The following PELI1 variants were observed in gnomAD, a reference collection of about 807,000 sequenced individuals.
PELI1 encodes pellino E3 ubiquitin protein ligase 1, also known as E3 ubiquitin-protein ligase pellino homolog 1.
Under a neutral mutation model 41.3 loss-of-function variants are expected in PELI1, and 15 were observed. The ratio of observed to expected loss-of-function variants is 0.36; its 90% confidence interval spans 0.24 to 0.56. The LOEUF is 0.56. Ranked by LOEUF, PELI1 falls within the 20% of genes least tolerant of loss-of-function variation. The probability of loss-of-function intolerance (pLI) is 0.82; values close to 1 mark genes in which losing one functional copy is unlikely to be tolerated. For missense variants in PELI1, 403 were observed against 525.5 expected (o/e 0.77, Z 2.28); for synonymous variants, 178 against 180.1 (o/e 0.99, Z 0.09).
intron 5 of PELI1, 42 bp from the exon 6 acceptor site, chr2:64,096,355 T>C (rs376703137): frequency 6.3e-7 from 1 of 1,594,332 alleles, no homozygotes; most frequent in Non-Finnish European, 8.6e-7. Flanking sequence ...TTGTAACTTG[T>C]AACTTGGAAT....
At chr2:64,111,114 T>G (rs1680794263) in intron 1 of PELI1, among the ~76,000 whole-genome samples, 1 of 152,088 alleles carries the variant, frequency 6.6e-6, no homozygotes, top group Admixed American at 6.6e-5. Flanking sequence ...TTACAAAGGT[T>G]TCACAGCAAA....
rs1321282833 is a variant in PELI1, at chr2:64,093,032, T to C, written c.*1670A>G. On this transcript the variant is annotated 3_prime_UTR_variant, in exon 7 of 7. Coordinates refer to ENST00000358912, the MANE Select transcript of PELI1 (RefSeq NM_020651.4). ...AAAACTTCAAAATCAATTACATTTC[T>C]TTGAAAAAGGGGTAACAGCAGTTAC... The C allele has an allele frequency of 6.6e-6, 1 of 152,600 alleles. No homozygotes were observed. The highest frequency in any genetic ancestry group is 2.1e-4 in the South Asian group (1 of 4,830). The allele number at this position is 152,600 out of a possible 1,614,324, so 9.5% of individuals were successfully genotyped here.
At chr2:64,140,569 T>A (rs1681868937) in intron 1 of PELI1, among the ~76,000 whole-genome samples, 1 of 151,894 alleles carries the variant, frequency 6.6e-6, no homozygotes, top group African/African-American at 2.4e-5. Flanking sequence ...ACTGAAAGAC[T>A]CCAATCAGAT....
intron 2 of PELI1, among the ~76,000 whole-genome samples, chr2:64,107,476 C>G (rs1370200705): frequency 2.0e-5 from 3 of 152,140 alleles, no homozygotes; most frequent in African/African-American, 7.2e-5. Flanking sequence ...TACACATATA[C>G]AACTCCTTTA....
Position 64,104,795 on chromosome 2 carries a change from CT to C in PELI1, c.106del (p.Arg36GlyfsTer17). The C allele has an allele frequency of 6.2e-7, 1 of 1,613,390 alleles. No homozygotes were observed. Among genetic ancestry groups the C allele is most frequent in the South Asian group, 1.1e-5 (1 of 91,064 alleles). Reference sequence around the variant, plus strand: ...AAACAAAGCAAACCTACTTTTCCTCCTTCCTCTATCGCCATTTGGGAGAGAC... The same window carrying C: ...AAACAAAGCAAACCTACTTTTCCTCCTCCTCTATCGCCATTTGGGAGAGAC... ...NGSLPNGDRG[R>X]RKSRFALFKR... On this transcript the variant is annotated frameshift_variant, in exon 3 of 7. Coordinates refer to ENST00000358912, the MANE Select transcript of PELI1 (RefSeq NM_020651.4). LOFTEE classifies it high-confidence loss of function.
intron 1 of PELI1, among the ~76,000 whole-genome samples, chr2:64,135,981 C>A (rs1009039640): frequency 2.0e-5 from 3 of 152,170 alleles, no homozygotes; most frequent in Non-Finnish European, 2.9e-5. Context: ...TTGTGAGATC[C>A]AATTTCTTCC....
At position 64,096,307 on chromosome 2, in the gene PELI1, C is replaced by T. The variant is rs748890842; in HGVS notation, c.508G>A (p.Ala170Thr). ...CCATCTGATGTCTTCCATTTGGCAG[C>T]CTTCTCCTAGTAGAAATAATAGCAG... ...SSKNIFLGEK[A>T]AKWKTSDGQM... The change falls in exon 6 of 7, where the codon GCT (alanine) becomes ACT (threonine). Residue 170 changes from alanine (A) to threonine (T), a missense_variant. Physicochemically the swap from Ala to Thr is moderately conservative, Grantham distance 58. Coordinates refer to ENST00000358912, the MANE Select transcript of PELI1 (RefSeq NM_020651.4). 1.2e-6 allele frequency: 2 copies of T among 1,613,526 alleles called. No homozygotes were observed. The highest frequency in any genetic ancestry group is 2.7e-5 in the African/African-American group (2 of 74,874).
chr2:64,109,759 T>C (rs969384003), intron 1 of PELI1, among the ~76,000 whole-genome samples: 2 of 152,048 alleles, frequency 1.3e-5, no homozygotes, highest in African/African-American at 2.4e-5. Context: ...CAGAATTACC[T>C]GACAAAGATT....
chr2:64,117,460 A>G (rs1337480224), intron 1 of PELI1, among the ~76,000 whole-genome samples: 4 of 151,464 alleles, frequency 2.6e-5, no homozygotes. Context: ...TTGATTCTCC[A>G]TGGGGAGGGA....
rs373842014 is a variant in PELI1 at position 64,096,781 on chromosome 2, T to C, written c.304-171A>G. On this transcript the variant is annotated intron_variant, in intron 4 of 6. Transcript: ENST00000358912. ...ACTCTTGAAAACTAATCAGTCAGAC[T>C]GTCTCTGATGAAGTAATCACTTAGA... Among the ~76,000 whole-genome samples the C allele has an allele frequency of 1.4e-4, 21 of 152,348 alleles. No individual in the cohort carries two copies. In the South Asian group the frequency reaches 3.1e-3, roughly 23 times the overall value.
At chr2:64,100,363 T>A (rs763956605) in intron 4 of PELI1, 35 bp downstream of exon 4, 2 of 1,127,652 alleles carry the variant, frequency 1.8e-6, no homozygotes, top group Admixed American at 1.8e-5. Context: ...AACTTTTTCG[T>A]TTCTTAAGAA....
At position 64,096,337 on chromosome 2, in the gene PELI1, C is replaced by T. The variant is rs956712003; in HGVS notation, c.502-24G>A. 4 of 1,606,026 alleles carry T rather than the reference C, an allele frequency of 2.5e-6. No homozygotes were observed. The African/African-American group carries it at 5.4e-5, about 22-fold the overall frequency. ...TCCTAGTAGAAATAATAGCAGTGAG[C>T]TTCCAACTTGTAACTTGTAACTTGG... On this transcript the variant is annotated intron_variant, in intron 5 of 6. Transcript: ENST00000358912.
At chr2:64,113,131 A>C (rs1680877700) in intron 1 of PELI1, among the ~76,000 whole-genome samples, 1 of 151,916 alleles carries the variant, frequency 6.6e-6, no homozygotes, top group African/African-American at 2.4e-5. Context: ...ATTTAAAAAA[A>C]AAAAAGTAAA....
At chr2:64,109,754 T>G (rs567919454) in intron 1 of PELI1, among the ~76,000 whole-genome samples, 1 of 152,128 alleles carries the variant, frequency 6.6e-6, no homozygotes, top group African/African-American at 2.4e-5. Flanking sequence ...GATGACAGAA[T>G]TACCTGACAA....
chr2:64,112,681 A>T (rs981851621), intron 1 of PELI1, among the ~76,000 whole-genome samples: 1 of 152,234 alleles, frequency 6.6e-6, no homozygotes, highest in Non-Finnish European at 1.5e-5. Flanking sequence ...ATCTAAACCC[A>T]AAATAAAACA....
intron 1 of PELI1, among the ~76,000 whole-genome samples, chr2:64,133,327 A>G (rs1681615648): frequency 6.6e-6 from 1 of 152,194 alleles, no homozygotes; most frequent in Non-Finnish European, 1.5e-5. Flanking sequence ...CTCAATGTGA[A>G]GAGACAGTAT....
In PELI1 at chr2:64,094,085, CTTACAAA is replaced by C. The variant is rs1680141178; in HGVS notation, c.*610_*616del. On this transcript the variant is annotated 3_prime_UTR_variant, in exon 7 of 7. Transcript: ENST00000358912. The stretch of plus-strand genomic sequence containing the variant: ...CGCGGGTAATTAGTATGAATTTGGT[CTTACAAA>C]TTACAAAGTATTCTAATTTACCAAA... 1 of 152,570 alleles carries C rather than the reference CTTACAAA, an allele frequency of 6.6e-6. No individual in the cohort carries two copies. The allele number at this position is 152,570 out of a possible 1,614,324, so 9.5% of individuals were successfully genotyped here. A position where few individuals can be genotyped will look rare whatever the true frequency, so the allele number is the denominator to read the frequency against.
intron 4 of PELI1, among the ~76,000 whole-genome samples, chr2:64,097,032 G>A (rs1472855802): frequency 6.6e-6 from 1 of 152,206 alleles, no homozygotes; most frequent in Admixed American, 6.5e-5. Flanking sequence ...TAGGATGACT[G>A]CAGAACATTA....
rs145065390 is a variant in PELI1, at chr2:64,121,419, G to A, written c.-69-13040C>T. ...AAGTATATTTCCTGCTTAATCCTAGGGAAACCAAGATATCAATAGTCCTTA... is the reference window on the plus strand; with the variant it reads ...AAGTATATTTCCTGCTTAATCCTAGAGAAACCAAGATATCAATAGTCCTTA... On this transcript the variant is annotated intron_variant, in intron 1 of 6. Coordinates refer to ENST00000358912, the MANE Select transcript of PELI1 (RefSeq NM_020651.4). Among the ~76,000 whole-genome samples the A allele has an allele frequency of 5.8e-3, 878 of 152,036 alleles. 9 individuals carry two copies. The highest frequency in any genetic ancestry group is 0.021 in the African/African-American group (852 of 41,456).
Sources: allele counts gnomAD v4.1 joint callset (sites outside exome capture counted in the v4.1 genomes callset), GRCh38; gene constraint gnomAD v4.1.1; transcripts MANE v1.5; gene names NCBI Gene and HGNC (gene_info 2026-07-23, HGNC 2026-07-21).